ING5: variants seen among roughly 807,000 people sequenced by gnomAD.
ING5 encodes inhibitor of growth protein 5.
Under a neutral mutation model 37.4 loss-of-function variants are expected in ING5, and 17 were observed. The ratio of observed to expected loss-of-function variants is 0.45; its 90% CI spans 0.31 to 0.68. ING5 has a LOEUF of 0.68. Ranked by LOEUF, ING5 falls within the 30% of genes least tolerant of loss-of-function variation. The pLI is 0.05. For missense variants in ING5, 233 were observed against 311.9 expected (o/e 0.75, Z 1.91); for synonymous variants, 123 against 116.6 (o/e 1.06, Z -0.36).
chr2:241,699,022 C>G (rs113758602), upstream of ING5, among the ~76,000 whole-genome samples: 3,922 of 138,924 alleles, frequency 0.028, 237 homozygotes, highest in East Asian at 0.21. Context: ...GCCACCACCC[C>G]AGCTGAATTT....
intron 2 of ING5, among the ~76,000 whole-genome samples, chr2:241,707,014 C>T (rs577358659): frequency 1.4e-5 from 2 of 142,386 alleles, no homozygotes; most frequent in Admixed American, 7.5e-5. Context: ...GGCTGGCGTG[C>T]GATGGCGCGA....
chr2:241,698,386 A>G (rs2069661743), upstream of ING5, among the ~76,000 whole-genome samples: 1 of 152,094 alleles, frequency 6.6e-6, no homozygotes, highest in East Asian at 1.9e-4. Context: ...TGGAGCTTGC[A>G]GTGAGCCGAG....
At chr2:241,711,671 C>A in intron 4 of ING5, 183 bp downstream of exon 4, 1 of 587,138 alleles carries the variant, frequency 1.7e-6, no homozygotes, top group Non-Finnish European at 3.0e-6. Context: ...GAGGCTGAGG[C>A]AGGAGGATCA....
At chr2:241,711,297 TG>T in intron 3 of ING5, 79 bp from the exon 4 acceptor site, 1 of 975,496 alleles carries the variant, frequency 1.0e-6, no homozygotes, top group Non-Finnish European at 1.5e-6. Context: ...AGGTGTTTCC[TG>T]GTGGATACTT....
chr2:241,719,404 T>C, intron 5 of ING5: 3 of 678,362 alleles, frequency 4.4e-6, no homozygotes, highest in Non-Finnish European at 7.6e-6. Flanking sequence ...GTCATCTAGC[T>C]CTTGTTGCTC....
At position 241,723,290 on chromosome 2, in the gene ING5, G is replaced by A. The variant is rs562873311; in HGVS notation, c.680+19G>A. On this transcript the variant is annotated intron_variant, in intron 7 of 7. Coordinates refer to ENST00000313552, the MANE Select transcript of ING5 (RefSeq NM_032329.6). ...GAAAATGGTGAGTGTGGGGACGCTC[G>A]CTCTGTTTTCTCCCAGTCTGCTGGG... 37 of 1,612,296 alleles carry A rather than the reference G, an allele frequency of 2.3e-5. No homozygotes were observed. Among genetic ancestry groups the A allele is most frequent in the Non-Finnish European group, 2.7e-5 (32 of 1,178,262 alleles).
Position 241,727,686 on chromosome 2 carries a change from A to G in ING5, c.*2655A>G, listed in dbSNP as rs1470670848. On this transcript the variant is annotated 3_prime_UTR_variant, in exon 8 of 8. Coordinates refer to ENST00000313552, the MANE Select transcript of ING5 (RefSeq NM_032329.6). ...TTTCTCTCTTTTACCATTTTTGGGAAGAGGGATAGGTAAGTGCAGGGAGTT... is the reference window on the plus strand; with the variant it reads ...TTTCTCTCTTTTACCATTTTTGGGAGGAGGGATAGGTAAGTGCAGGGAGTT... The G allele has an allele frequency of 1.3e-5, 2 of 152,260 alleles. No individual in the cohort carries two copies. Among genetic ancestry groups the G allele is most frequent in the Non-Finnish European group, 2.9e-5 (2 of 68,054 alleles). 9.4% of individuals were successfully genotyped at this position (152,260 alleles called of 1,614,324 possible).
intron 5 of ING5, chr2:241,712,276 C>T (rs940850936): frequency 1.3e-5 from 7 of 519,848 alleles, no homozygotes; most frequent in South Asian, 2.5e-5. Flanking sequence ...TTTTCAGTGT[C>T]GCAGGGACCT....
In ING5 at chr2:241,711,304, T is replaced by C. The variant is rs567056235; in HGVS notation, c.277-73T>C. The C allele has an allele frequency of 3.8e-6, 4 of 1,046,364 alleles. 1 individual carries two copies. In the South Asian group the frequency reaches 8.7e-5, roughly 23 times the overall value. 64.8% of individuals were successfully genotyped at this position (1,046,364 alleles called of 1,614,324 possible). ...GGGCAAGAAGGTGTTTCCTGGTGGA[T>C]ACTTTTGTACATTCGTGATTCTGAG... On this transcript the variant is annotated intron_variant, in intron 3 of 7. Transcript: ENST00000313552.
intron 5 of ING5, chr2:241,719,828 A>G (rs749063774): frequency 2.4e-5 from 34 of 1,405,866 alleles, no homozygotes; most frequent in South Asian, 2.0e-4. Flanking sequence ...TTTAGTAGCA[A>G]TGCGGAGCCT....
intron 2 of ING5, among the ~76,000 whole-genome samples, chr2:241,707,294 G>GT (rs1360764539): frequency 6.8e-6 from 1 of 146,368 alleles, no homozygotes; most frequent in East Asian, 2.1e-4. Flanking sequence ...GCACAGGTTT[G>GT]TTTTTTTTGT....
At chr2:241,722,767 C>T in intron 5 of ING5, 172 bp from the exon 6 acceptor site, 1 of 985,404 alleles carries the variant, frequency 1.0e-6, no homozygotes, top group South Asian at 4.7e-5. Context: ...TGGAAGCAAG[C>T]TTATTCATTA....
chr2:241,697,308 G>A (rs1023253492), upstream of ING5, among the ~76,000 whole-genome samples: 2 of 149,632 alleles, frequency 1.3e-5, no homozygotes, highest in African/African-American at 4.9e-5. Context: ...GGTGTCGGGC[G>A]CCTGTAGTCC....
intron 2 of ING5, among the ~76,000 whole-genome samples, chr2:241,694,578 C>T (rs1408182418): frequency 6.6e-6 from 1 of 151,816 alleles, no homozygotes; most frequent in African/African-American, 2.4e-5. Flanking sequence ...TTGGCTTTTT[C>T]CCCCCTCTAA....
Position 241,725,026 on chromosome 2 carries a change from A to T in ING5, c.718A>T (p.Lys240Ter), listed in dbSNP as rs749411402. 1.1e-5 allele frequency: 18 copies of T among 1,613,938 alleles called. No homozygotes were observed. The highest frequency in any genetic ancestry group is 4.5e-5 in the East Asian group (2 of 44,884). Residue 240 changes from lysine to a stop codon, truncating the protein, a stop_gained, in exon 8 of 8, where the codon AAG becomes TAG. Transcript: ENST00000313552. LOFTEE classifies it high-confidence loss of function. ...GTGTGTCCAGGAAAAGAGGAAGAAG[A>T]AGTAGGAGGAGCTGTGTGCCCGGAT... Reference protein sequence around the residue: ...PRCVQEKRKKK With the variant: ...PRCVQEKRKK
intron 2 of ING5, among the ~76,000 whole-genome samples, chr2:241,691,572 G>A (rs7574264): frequency 0.49 from 74,101 of 151,906 alleles, 18,525 homozygotes; most frequent in Middle Eastern, 0.58. Context: ...GGGCTGTCAC[G>A]ACAGACTACC....
upstream of ING5, among the ~76,000 whole-genome samples, chr2:241,701,790 C>G (rs1415140988): frequency 6.6e-6 from 1 of 152,044 alleles, no homozygotes; most frequent in Non-Finnish European, 1.5e-5. Flanking sequence ...CTGGGCCGCA[C>G]GCCGGGCGGT....
chr2:241,722,594 C>G, intron 5 of ING5: 1 of 985,368 alleles, frequency 1.0e-6, no homozygotes, highest in Non-Finnish European at 1.2e-6. Context: ...TAATGATTTT[C>G]TTGCTGCGCC....
At position 241,717,746 on chromosome 2, in the gene ING5, G is replaced by C. The variant is rs146719604; in HGVS notation, c.483-5193G>C. Reference sequence around the variant, plus strand: ...TTCTCATTGTCACTGGCTCTTAACAGTTTGGTTATGATGTGTATTGGTGTG... The same window carrying C: ...TTCTCATTGTCACTGGCTCTTAACACTTTGGTTATGATGTGTATTGGTGTG... On this transcript the variant is annotated intron_variant, in intron 5 of 7. Transcript: ENST00000313552. Among the ~76,000 whole-genome samples, 13 of 150,512 alleles carry C rather than the reference G, an allele frequency of 8.6e-5. No individual in the cohort carries two copies. The East Asian group carries it at 2.5e-3, about 29-fold the overall frequency.
Sources: allele counts gnomAD v4.1 joint callset (sites outside exome capture counted in the v4.1 genomes callset), GRCh38; gene constraint gnomAD v4.1.1; transcripts MANE v1.5; gene names NCBI Gene and HGNC (gene_info 2026-07-23, HGNC 2026-07-21).